Variants in TMEM220 observed in about 807,000 individuals in gnomAD.
The protein encoded by TMEM220 is transmembrane protein 220.
Under a neutral mutation model 21.7 loss-of-function variants are expected in TMEM220, and 21 were observed. The ratio of observed to expected loss-of-function variants is 0.97; its 90% CI spans 0.69 to 1.39. The LOEUF (loss-of-function observed/expected upper bound fraction) is 1.39, where lower values mean the gene tolerates loss of function less well. TMEM220 is among the 40% of genes most tolerant of loss of function. The pLI, the probability that TMEM220 is intolerant of heterozygous loss-of-function variation, is 0.00. For synonymous variants in TMEM220, 80 were observed against 73.6 expected, an observed-to-expected ratio of 1.09 and a Z score of -0.45; for missense variants, 191 against 201.9, an observed-to-expected ratio of 0.95 and a Z score of 0.33.
intron 5 of TMEM220, chr17:10,716,651 G>A (rs2074925554): frequency 2.6e-6 from 1 of 383,104 alleles, no homozygotes; most frequent in Non-Finnish European, 5.2e-6. Context: ...TGGAAAGTAG[G>A]GGTTGTTTCA....
chr17:10,720,860 A>G (rs1345471739), intron 5 of TMEM220, among the ~76,000 whole-genome samples: 1 of 152,204 alleles, frequency 6.6e-6, no homozygotes, highest in Non-Finnish European at 1.5e-5. Context: ...TTTGTATTGT[A>G]GAATAAATCA....
Position 10,724,701 on chromosome 17 carries a change from G to GTAT in TMEM220, c.287+307_287+309dup, listed in dbSNP as rs200422267. Among the ~76,000 whole-genome samples the GTAT allele has an allele frequency of 9.7e-3, 1,480 of 152,256 alleles. 10 individuals are homozygous for GTAT. Among genetic ancestry groups the GTAT allele is most frequent in the Non-Finnish European group, 0.013 (911 of 68,020 alleles). ...TTATCACCATATTAGATCGGACTGA[G>GTAT]TATTACTGTATCATACCGTTGCTAG... is the stretch of plus-strand genomic sequence containing the variant. On this transcript the variant is annotated intron_variant, in intron 4 of 5. Transcript: ENST00000341871.
In TMEM220 at chr17:10,725,358, G is replaced by C. The variant is rs143892567; in HGVS notation, c.164-224C>G. Among the ~76,000 whole-genome samples the C allele has an allele frequency of 9.5e-4, 145 of 152,220 alleles. 1 individual carries two copies. In the East Asian group the frequency reaches 0.022, roughly 23 times the overall value. ...GGTTGTTCAGCAGCTCCCCTTCCTA[G>C]GATGATTACCCTTATTTTCTCTGGG... On this transcript the variant is annotated intron_variant, in intron 3 of 5. Transcript: ENST00000341871.
chr17:10,728,621 ACTT>A (rs2075081273), intron 2 of TMEM220, among the ~76,000 whole-genome samples: 1 of 152,130 alleles, frequency 6.6e-6, no homozygotes, highest in African/African-American at 2.4e-5. Flanking sequence ...AGGAGTTAAT[ACTT>A]TCTAGAAATA....
intron 2 of TMEM220, among the ~76,000 whole-genome samples, chr17:10,727,510 C>A (rs1319185408): frequency 1.3e-5 from 2 of 152,230 alleles, no homozygotes; most frequent in East Asian, 3.9e-4. Context: ...GTGTGACATG[C>A]AGGTGAATAT....
At chr17:10,721,297 G>A (rs772600917) in intron 5 of TMEM220, among the ~76,000 whole-genome samples, 30 of 152,088 alleles carry the variant, frequency 2.0e-4, no homozygotes, top group Admixed American at 1.6e-3. Flanking sequence ...TAACTGTCAC[G>A]GACTGAAACA....
intron 1 of TMEM220, 51 bp from the exon 2 acceptor site, chr17:10,729,111 T>A: frequency 1.9e-6 from 3 of 1,605,970 alleles, no homozygotes; most frequent in East Asian, 2.2e-5. Flanking sequence ...GCTGTTCCAT[T>A]CCTTTTAAAT....
chr17:10,729,957 C>G lies in TMEM220; in HGVS notation c.-106G>C. On this transcript the variant is annotated 5_prime_UTR_variant, in exon 1 of 6. Coordinates refer to ENST00000341871, the MANE Select transcript of TMEM220 (RefSeq NM_001004313.3). ...CCTTGCGCGGAGGGACCGAGACCCC[C>G]GCCTCGGTTTCGGTGCCTTGGGGAC... 8.1e-7 allele frequency: 1 copy of G among 1,232,186 alleles called. No individual in the cohort carries two copies. Among genetic ancestry groups the G allele is most frequent in the Non-Finnish European group, 1.0e-6 (1 of 987,254 alleles). 76.3% of individuals were successfully genotyped at this position (1,232,186 alleles called of 1,614,324 possible).
At chr17:10,721,099 CTG>C (rs1201318084) in intron 5 of TMEM220, among the ~76,000 whole-genome samples, 2 of 152,162 alleles carry the variant, frequency 1.3e-5, no homozygotes, top group Admixed American at 6.5e-5. Flanking sequence ...ATTGCAAACA[CTG>C]TTGATTCCAG....
intron 1 of TMEM220, 30 bp downstream of exon 1, chr17:10,729,750 C>G (rs553932520): frequency 1.5e-6 from 2 of 1,332,996 alleles, no homozygotes; most frequent in Non-Finnish European, 1.9e-6. Context: ...GGGAGCCGGG[C>G]GGGTCCCCCT....
chr17:10,713,333 A>G lies in TMEM220; in HGVS notation c.*2120T>C, dbSNP rs1353837233. The G allele has an allele frequency of 1.3e-5, 2 of 151,944 alleles. No individual in the cohort carries two copies. Among genetic ancestry groups the G allele is most frequent in the East Asian group, 3.8e-4 (2 of 5,204 alleles). The allele number at this position is 151,944 out of a possible 1,614,324, so 9.4% of individuals were successfully genotyped here. A position where few individuals can be genotyped will look rare whatever the true frequency, so the allele number is the denominator to read the frequency against. ...AAATTTAATAATAATACTTAAATTC[A>G]ATTTCATTAATACTCTTCAAAAGAC... On this transcript the variant is annotated 3_prime_UTR_variant, in exon 6 of 6. Transcript: ENST00000341871.
In TMEM220 at chr17:10,720,728, T is replaced by C. The variant is rs149789214; in HGVS notation, c.347+2542A>G. ...CTAACTGTGTATTTACTTGGTGGGA[T>C]TAGCATACAGAACACTATGCCCAGT... On this transcript the variant is annotated intron_variant, in intron 5 of 5. Transcript: ENST00000341871. Among the ~76,000 whole-genome samples the C allele has an allele frequency of 5.4e-4, 82 of 152,314 alleles. 1 individual carries two copies. The Middle Eastern group carries it at 0.01, about 19-fold the overall frequency.
Position 10,726,284 on chromosome 17 carries a change from A to C in TMEM220, c.103-20T>G, listed in dbSNP as rs2075048055. 1 of 1,601,730 alleles carries C rather than the reference A, an allele frequency of 6.2e-7. No homozygotes were observed. The highest frequency in any genetic ancestry group is 1.1e-5 in the South Asian group (1 of 90,834). On this transcript the variant is annotated intron_variant, in intron 2 of 5. Coordinates refer to ENST00000341871, the MANE Select transcript of TMEM220 (RefSeq NM_001004313.3). ...CACCACCTGTTAGCAAAAAGGGAGGAAATTACATGAGTTAAGATGTATGCC... is the reference window on the plus strand; with the variant it reads ...CACCACCTGTTAGCAAAAAGGGAGGCAATTACATGAGTTAAGATGTATGCC...
intron 5 of TMEM220, among the ~76,000 whole-genome samples, chr17:10,718,857 A>G (rs1465871380): frequency 6.6e-6 from 1 of 152,234 alleles, no homozygotes; most frequent in Non-Finnish European, 1.5e-5. Flanking sequence ...CCAAACATAT[A>G]GTCTTTTTGT....
chr17:10,729,768 C>A lies in TMEM220; in HGVS notation c.72+12G>T. On this transcript the variant is annotated intron_variant, in intron 1 of 5. Coordinates refer to ENST00000341871, the MANE Select transcript of TMEM220 (RefSeq NM_001004313.3). ...AGCCGGGCGGGTCCCCCTCCCACCG[C>A]GGCCGCCTGACCTGCACCAAGGCCG... The A allele has an allele frequency of 2.2e-6, 3 of 1,362,420 alleles. No individual in the cohort carries two copies. Among genetic ancestry groups the A allele is most frequent in the Non-Finnish European group, 2.8e-6 (3 of 1,053,454 alleles). The allele number at this position is 1,362,420 out of a possible 1,614,324, so 84.4% of individuals were successfully genotyped here. A position where few individuals can be genotyped will look rare whatever the true frequency, so the allele number is the denominator to read the frequency against.
At chr17:10,716,339 C>G (rs1470968767) in intron 5 of TMEM220, 1 of 645,594 alleles carries the variant, frequency 1.5e-6, no homozygotes, top group African/African-American at 1.8e-5. Context: ...CTCTTCAGTT[C>G]CTCCATCATA....
chr17:10,723,420 T>G (rs1036933459), intron 4 of TMEM220, 91 bp from the exon 5 acceptor site: 3 of 880,234 alleles, frequency 3.4e-6, no homozygotes, highest in Non-Finnish European at 5.9e-6. Flanking sequence ...GATAGCGCAT[T>G]CTGATTGAGT....
intron 5 of TMEM220, among the ~76,000 whole-genome samples, chr17:10,716,800 A>G (rs1202115053): frequency 1.3e-5 from 2 of 152,208 alleles, no homozygotes; most frequent in Non-Finnish European, 2.9e-5. Flanking sequence ...CTATTGTTCT[A>G]TCATTTTATT....
rs2075107989 is a variant in TMEM220, at chr17:10,729,924, G to C, written c.-73C>G. ...CGGTGAGTCCTGCCACGTACGGTCC[G>C]CCTTCCTCCTTGCGCGGAGGGACCG... On this transcript the variant is annotated 5_prime_UTR_variant, in exon 1 of 6. Coordinates refer to ENST00000341871, the MANE Select transcript of TMEM220 (RefSeq NM_001004313.3). 3 of 1,249,154 alleles carry C rather than the reference G, an allele frequency of 2.4e-6. No homozygotes were observed. Among genetic ancestry groups the C allele is most frequent in the Admixed American group, 8.3e-5 (2 of 24,006 alleles). The allele number at this position is 1,249,154 out of a possible 1,614,324, so 77.4% of individuals were successfully genotyped here.
Sources: gnomAD v4.1 joint callset for allele counts (sites outside exome capture counted in the v4.1 genomes callset) on GRCh38, gnomAD v4.1.1 for gene constraint, MANE v1.5 for transcripts, NCBI Gene and HGNC (gene_info 2026-07-23, HGNC 2026-07-21) for gene names.